KALRN: variants seen among roughly 807,000 people sequenced by gnomAD.
KALRN encodes the protein kalirin RhoGEF kinase.
In KALRN, 70 loss-of-function variants were observed where a neutral mutation model predicts 353.7. The observed-to-expected ratio is 0.20, with a 90% CI of 0.16 to 0.24. KALRN has a LOEUF of 0.24. Ranked by LOEUF, KALRN falls within the 10% of genes least tolerant of loss-of-function variation. KALRN has a pLI of 1.00. For synonymous variants in KALRN, 1,391 were observed against 1,434.8 expected, an observed-to-expected ratio of 0.97 and a Z score of 0.69; for missense variants, 2,791 against 3,756.7, an observed-to-expected ratio of 0.74 and a Z score of 6.72.
chr3:124,059,561 C>T (rs546574009), intron 1 of KALRN, among the ~76,000 whole-genome samples: 15 of 152,258 alleles, frequency 9.9e-5, no homozygotes, highest in African/African-American at 2.6e-4. Flanking sequence ...CTCAATCTCC[C>T]CAAGAAAAGT....
intron 12 of KALRN, among the ~76,000 whole-genome samples, chr3:124,396,270 A>G (rs944289879): frequency 6.6e-6 from 1 of 152,088 alleles, no homozygotes; most frequent in Non-Finnish European, 1.5e-5. Flanking sequence ...TTTTTCACCC[A>G]TACCAGTTGT....
At chr3:124,191,438 A>C (rs1560191217) in intron 1 of KALRN, among the ~76,000 whole-genome samples, 1 of 152,204 alleles carries the variant, frequency 6.6e-6, no homozygotes, top group Non-Finnish European at 1.5e-5. Flanking sequence ...TTGTTAGCAC[A>C]CAAAAGACAC....
At chr3:124,161,201 C>A (rs2069888184) in intron 1 of KALRN, among the ~76,000 whole-genome samples, 1 of 152,138 alleles carries the variant, frequency 6.6e-6, no homozygotes, top group Non-Finnish European at 1.5e-5. Context: ...AATGTACATA[C>A]AGGACAAAGC....
chr3:124,261,776 A>G (rs1258045052), intron 3 of KALRN, among the ~76,000 whole-genome samples: 2 of 152,198 alleles, frequency 1.3e-5, no homozygotes, highest in African/African-American at 4.8e-5. Context: ...AAGGAAGACA[A>G]TCATCTCTAA....
chr3:124,570,115 T>C (rs16835606), intron 34 of KALRN, among the ~76,000 whole-genome samples: 60,048 of 152,064 alleles, frequency 0.39, 12,961 homozygotes, highest in African/African-American at 0.58. Context: ...AAGGTCTTTC[T>C]CTACCTCTTA....
At chr3:124,365,231 T>C (rs906365867) in intron 10 of KALRN, among the ~76,000 whole-genome samples, 6 of 152,216 alleles carry the variant, frequency 3.9e-5, no homozygotes, top group South Asian at 2.1e-4. Flanking sequence ...CCATGCCTTA[T>C]ATACTGAGCA....
intron 1 of KALRN, among the ~76,000 whole-genome samples, chr3:124,097,306 T>A (rs1227598178): frequency 6.6e-6 from 1 of 152,266 alleles, no homozygotes; most frequent in Non-Finnish European, 1.5e-5. Flanking sequence ...GAATGAAAGA[T>A]GAACCTGCCT....
At position 124,562,958 on chromosome 3, in the gene KALRN, G is replaced by T; in HGVS notation, c.5051G>T (p.Arg1684Leu). 1 of 1,367,928 alleles carries T rather than the reference G, an allele frequency of 7.3e-7. No homozygotes were observed. The highest frequency in any genetic ancestry group is 1.1e-5 in the South Asian group (1 of 88,052). The allele number at this position is 1,367,928 out of a possible 1,614,324, so 84.7% of individuals were successfully genotyped here. A position where few individuals can be genotyped will look rare whatever the true frequency, so the allele number is the denominator to read the frequency against. Residue 1684 changes from arginine (R) to leucine (L), a missense_variant, in exon 34 of 60, where the codon CGG (arginine) becomes CTG (leucine). Coordinates refer to ENST00000682506, the MANE Select transcript of KALRN (RefSeq NM_001388419.1). Reference protein sequence around the residue: ...TVELLERPSERPGWCLVRTTE... With the variant: ...TVELLERPSELPGWCLVRTTE... ...GAGCTGCTGGAGCGGCCCAGCGAGCGGCCTGGTTGGTGTCTGGTCCGTACC... is the reference window on the plus strand; with the variant it reads ...GAGCTGCTGGAGCGGCCCAGCGAGCTGCCTGGTTGGTGTCTGGTCCGTACC...
chr3:124,044,985 A>G (rs2040344740), intron 1 of KALRN, among the ~76,000 whole-genome samples: 1 of 149,724 alleles, frequency 6.7e-6, no homozygotes, highest in South Asian at 2.1e-4. Flanking sequence ...TTAAACTTGC[A>G]GTTACAATTA....
intron 39 of KALRN, among the ~76,000 whole-genome samples, chr3:124,656,340 G>A (rs1173106043): frequency 6.6e-6 from 1 of 152,222 alleles, no homozygotes; most frequent in Non-Finnish European, 1.5e-5. Flanking sequence ...GCCGGGTGCG[G>A]TGGCTCATGC....
intron 1 of KALRN, among the ~76,000 whole-genome samples, chr3:124,079,496 A>G (rs144280068): frequency 0.015 from 2,310 of 152,318 alleles, 23 homozygotes; most frequent in Non-Finnish European, 0.022. Context: ...AACCACACCT[A>G]ACATTTAGGA....
chr3:124,168,985 C>CT (rs2071314903), intron 1 of KALRN, among the ~76,000 whole-genome samples: 1 of 152,194 alleles, frequency 6.6e-6, no homozygotes, highest in South Asian at 2.1e-4. Context: ...GAGCACAACT[C>CT]TAAGTGTTGA....
intron 47 of KALRN, 56 bp from the exon 48 acceptor site, chr3:124,671,604 C>T: frequency 6.0e-6 from 8 of 1,333,298 alleles, no homozygotes; most frequent in Non-Finnish European, 4.3e-6. Context: ...TAAGAGGCCT[C>T]CAAATCCTTG....
Position 124,674,621 on chromosome 3 carries a change from G to T in KALRN, c.7193+7G>T. On this transcript the variant is annotated splice_region_variant and intron_variant, in intron 49 of 59. Transcript: ENST00000682506. ...GTAGTGACGGGAGCATCAAGTAAGT[G>T]CCTCGTTGGCTTCCCCGGGAGAGGA... 6.4e-7 allele frequency: 1 copy of T among 1,569,880 alleles called. No homozygotes were observed. Among genetic ancestry groups the T allele is most frequent in the Non-Finnish European group, 8.7e-7 (1 of 1,155,320 alleles).
chr3:124,663,564 TATGATAAA>T (rs1489020552), intron 45 of KALRN, among the ~76,000 whole-genome samples: 2 of 152,188 alleles, frequency 1.3e-5, no homozygotes, highest in African/African-American at 4.8e-5. Flanking sequence ...TTAAGATTAA[TATGATAAA>T]ATTGGAACTG....
intron 1 of KALRN, among the ~76,000 whole-genome samples, chr3:124,091,068 C>G (rs2061091073): frequency 6.6e-6 from 1 of 152,220 alleles, no homozygotes; most frequent in Admixed American, 6.5e-5. Context: ...AATGGTATCC[C>G]TGGGAATGTG....
chr3:124,230,721 G>A (rs115363695), intron 2 of KALRN, among the ~76,000 whole-genome samples: 1,650 of 152,122 alleles, frequency 0.011, 28 homozygotes, highest in African/African-American at 0.036. Flanking sequence ...CGCTTGTGGT[G>A]CCAGAAACTT....
At chr3:124,312,668 C>G (rs557901786) in intron 6 of KALRN, among the ~76,000 whole-genome samples, 1 of 152,354 alleles carries the variant, frequency 6.6e-6, no homozygotes, top group South Asian at 2.1e-4. Context: ...GTGTGTACCA[C>G]ACAGTATTCA....
At chr3:124,666,202 C>T (rs1209596773) in intron 45 of KALRN, among the ~76,000 whole-genome samples, 1 of 152,214 alleles carries the variant, frequency 6.6e-6, no homozygotes, top group Non-Finnish European at 1.5e-5. Context: ...TTGCCTGGAG[C>T]TGTTTCTCAG....
Sources: allele counts gnomAD v4.1 joint callset (sites outside exome capture counted in the v4.1 genomes callset), GRCh38; gene constraint gnomAD v4.1.1; transcripts MANE v1.5; gene names NCBI Gene and HGNC (gene_info 2026-07-23, HGNC 2026-07-21).